Variants in EPHB1 observed in about 807,000 individuals in gnomAD.
EPHB1 encodes ephrin type-B receptor 1.
A neutral mutation model predicts 94.4 loss-of-function variants in EPHB1; 30 were observed. That is an observed-to-expected ratio of 0.32 (90% confidence interval 0.24 to 0.43). The LOEUF is 0.43. Among genes scored for constraint, EPHB1 ranks in the 20% least tolerant of loss-of-function variants. EPHB1 has a pLI of 1.00. For missense variants in EPHB1, 1,055 were observed against 1,308.3 expected (o/e 0.81, Z 2.99); for synonymous variants, 522 against 489.1 (o/e 1.07, Z -0.89).
intron 1 of EPHB1, among the ~76,000 whole-genome samples, chr3:134,797,977 C>A (rs1316479686): frequency 6.6e-6 from 1 of 152,232 alleles, no homozygotes; most frequent in Non-Finnish European, 1.5e-5. Context: ...CACGGAGCCG[C>A]CTTCCCGCCT....
In EPHB1 at chr3:135,095,696, G is replaced by A. The variant is rs190805327; in HGVS notation, c.806-10752G>A. ...CCCACCCACCCCACACAGGAACTGT[G>A]CCTGAGCCTGAGCACTCAGGGCCCC... is the stretch of plus-strand genomic sequence containing the variant. On this transcript the variant is annotated intron_variant, in intron 3 of 15. Transcript: ENST00000398015. Among the ~76,000 whole-genome samples, 239 of 152,258 alleles carry A rather than the reference G, an allele frequency of 1.6e-3. 1 individual carries two copies. The highest frequency in any genetic ancestry group is 5.5e-3 in the African/African-American group (230 of 41,546).
chr3:135,189,277 T>C (rs1442805053), intron 10 of EPHB1, among the ~76,000 whole-genome samples: 3 of 152,190 alleles, frequency 2.0e-5, no homozygotes, highest in Non-Finnish European at 4.4e-5. Context: ...TATTCAGAAG[T>C]ACAGAGAGAA....
At chr3:134,965,288 G>A (rs1933690004) in intron 3 of EPHB1, among the ~76,000 whole-genome samples, 1 of 152,178 alleles carries the variant, frequency 6.6e-6, no homozygotes, top group Non-Finnish European at 1.5e-5. Flanking sequence ...GCTGTTCATT[G>A]TTGAATTTTA....
At chr3:134,958,820 A>C (rs1256185433) in intron 3 of EPHB1, among the ~76,000 whole-genome samples, 1 of 152,176 alleles carries the variant, frequency 6.6e-6, no homozygotes, top group Non-Finnish European at 1.5e-5. Flanking sequence ...GCCCCTCTGC[A>C]GCATGGACTC....
chr3:135,188,689 CAGGTG>C (rs1478044820), intron 10 of EPHB1, among the ~76,000 whole-genome samples: 1 of 152,168 alleles, frequency 6.6e-6, no homozygotes, highest in Non-Finnish European at 1.5e-5. Context: ...TCCAATGTCT[CAGGTG>C]TTGTTTGCGT....
Position 135,260,419 on chromosome 3 carries a change from T to G in EPHB1, c.*1299T>G, listed in dbSNP as rs1345294382. 1 of 227,328 alleles carries G rather than the reference T, an allele frequency of 4.4e-6. No homozygotes were observed. The highest frequency in any genetic ancestry group is 8.8e-6 in the Non-Finnish European group (1 of 114,050). The allele number at this position is 227,328 out of a possible 1,614,324, so 14.1% of individuals were successfully genotyped here. ...TTTTACCTTAATCTCCTTGCTAATT[T>G]TATCTGTCTAATTAAAAAGAGCAGA... On this transcript the variant is annotated 3_prime_UTR_variant, in exon 16 of 16. Transcript: ENST00000398015.
chr3:134,907,671 A>G (rs984566404), intron 1 of EPHB1, among the ~76,000 whole-genome samples: 1 of 120,272 alleles, frequency 8.3e-6, no homozygotes, highest in African/African-American at 3.2e-5. Context: ...CCTCCCCACC[A>G]AGAAAGCCAG....
At chr3:134,935,955 C>T (rs181490251) in intron 2 of EPHB1, among the ~76,000 whole-genome samples, 18 of 152,286 alleles carry the variant, frequency 1.2e-4, no homozygotes, top group Non-Finnish European at 2.1e-4. Context: ...GGCATCTCTC[C>T]CATTTCCAAA....
intron 1 of EPHB1, among the ~76,000 whole-genome samples, chr3:134,856,704 A>C (rs2037127841): frequency 6.6e-6 from 1 of 152,248 alleles, no homozygotes; most frequent in Admixed American, 6.5e-5. Flanking sequence ...AGTATGAAAA[A>C]AACAAGAAAT....
intron 12 of EPHB1, among the ~76,000 whole-genome samples, chr3:135,219,560 T>G (rs770305574): frequency 3.3e-5 from 5 of 152,098 alleles, no homozygotes; most frequent in South Asian, 2.1e-4. Context: ...AGAGAGAGAA[T>G]AGCCCTGCGA....
chr3:134,872,734 T>C (rs1245473599), intron 1 of EPHB1, among the ~76,000 whole-genome samples: 1 of 152,212 alleles, frequency 6.6e-6, no homozygotes, highest in Non-Finnish European at 1.5e-5. Flanking sequence ...GTGAATACCT[T>C]AGTACTTCCC....
rs1933577937 is a variant in EPHB1, at chr3:135,260,080, C to G, written c.*960C>G. The G allele has an allele frequency of 4.3e-6, 1 of 232,802 alleles. No homozygotes were observed. Among genetic ancestry groups the G allele is most frequent in the African/African-American group, 2.2e-5 (1 of 45,254 alleles). 14.4% of individuals were successfully genotyped at this position (232,802 alleles called of 1,614,324 possible). A position where few individuals can be genotyped will look rare whatever the true frequency, so the allele number is the denominator to read the frequency against. On this transcript the variant is annotated 3_prime_UTR_variant, in exon 16 of 16. Coordinates refer to ENST00000398015, the MANE Select transcript of EPHB1 (RefSeq NM_004441.5). ...AAAGTTTGCAAATTCAGACAGGAAA[C>G]AGGTGAGTGGTTTGAATTGGATGCA...
chr3:135,228,825 T>G (rs1470992173), intron 12 of EPHB1, among the ~76,000 whole-genome samples: 2 of 152,158 alleles, frequency 1.3e-5, no homozygotes, highest in Non-Finnish European at 2.9e-5. Flanking sequence ...TGTTTTTCCT[T>G]TGGGAGATTT....
At chr3:135,136,353 T>G (rs1383669320) in intron 5 of EPHB1, among the ~76,000 whole-genome samples, 1 of 152,234 alleles carries the variant, frequency 6.6e-6, no homozygotes, top group Non-Finnish European at 1.5e-5. Context: ...TATATAGTCA[T>G]GACTATTCAA....
At chr3:135,191,856 GCCCAGCTCTTCCCAGCAGCC>G (rs1232923873) in intron 10 of EPHB1, among the ~76,000 whole-genome samples, 12 of 152,200 alleles carry the variant, frequency 7.9e-5, no homozygotes, top group African/African-American at 2.9e-4. Context: ...TCCTGCAGAG[GCCCAGCTCTTCCCAGCAGCC>G]CCCAGCCAAT....
intron 5 of EPHB1, among the ~76,000 whole-genome samples, chr3:135,143,898 C>T (rs1294852368): frequency 6.6e-6 from 1 of 152,186 alleles, no homozygotes; most frequent in Non-Finnish European, 1.5e-5. Flanking sequence ...TGGAAAACTG[C>T]CAGGTTGCAG....
At chr3:134,919,804 A>G (rs933871459) in intron 1 of EPHB1, among the ~76,000 whole-genome samples, 1 of 151,930 alleles carries the variant, frequency 6.6e-6, no homozygotes, top group Admixed American at 6.6e-5. Context: ...TATTTAATAT[A>G]TCCCACTCTT....
rs534085472 is a variant in EPHB1 at position 134,802,272 on chromosome 3, TA to T, written c.58+6591del. 2.5e-3 allele frequency among the ~76,000 whole-genome samples: 345 copies of T among 135,392 alleles called. 1 individual carries two copies. The highest frequency in any genetic ancestry group is 9.0e-3 in the African/African-American group (320 of 35,416). The allele number at this position is 135,392 out of a possible 152,430, so 88.8% of individuals were successfully genotyped here. On this transcript the variant is annotated intron_variant, in intron 1 of 15. Coordinates refer to ENST00000398015, the MANE Select transcript of EPHB1 (RefSeq NM_004441.5). The stretch of plus-strand genomic sequence containing the variant: ...TAACACAGTGAAACCCCATCTCTGC[TA>T]AAAAAAACAAAAAAACAAAAAAATA...
intron 1 of EPHB1, among the ~76,000 whole-genome samples, chr3:134,879,366 G>A (rs1025967017): frequency 6.6e-6 from 1 of 152,224 alleles, no homozygotes; most frequent in African/African-American, 2.4e-5. Flanking sequence ...GCCGGGCATG[G>A]TGGCTCATGC....
Sources: gnomAD v4.1 joint callset for allele counts (sites outside exome capture counted in the v4.1 genomes callset) on GRCh38, gnomAD v4.1.1 for gene constraint, MANE v1.5 for transcripts, NCBI Gene and HGNC (gene_info 2026-07-23, HGNC 2026-07-21) for gene names.